ERCC6: variants seen among roughly 807,000 people sequenced by gnomAD.
ERCC6 encodes the protein ERCC excision repair 6, chromatin remodeling factor, also known as DNA excision repair protein ERCC-6.
A neutral mutation model predicts 158.7 loss-of-function variants in ERCC6; 116 were observed. The ratio of observed to expected loss-of-function variants is 0.73; its 90% confidence interval spans 0.63 to 0.85. The LOEUF is 0.85. ERCC6 is among the 40% of genes least tolerant of loss of function. The pLI is 0.00. For synonymous variants in ERCC6, 678 were observed against 659.3 expected (o/e 1.03, Z -0.43); for missense variants, 1,698 against 1,799.4 (o/e 0.94, Z 1.02).
chr10:49,483,302 A>C, intron 9 of ERCC6, 44 bp downstream of exon 9: 2 of 1,584,308 alleles, frequency 1.3e-6, no homozygotes, highest in Non-Finnish European at 1.7e-6. Flanking sequence ...TGAATTAATT[A>C]TTCTTCTCCA....
intron 7 of ERCC6, 109 bp from the exon 8 acceptor site, chr10:49,493,361 A>G (rs1172109499): frequency 3.7e-5 from 48 of 1,309,004 alleles, no homozygotes; most frequent in Non-Finnish European, 3.6e-5. Context: ...TCAAAAAAAC[A>G]ATGCTAACTA....
chr10:49,527,589 C>A (rs7096755), intron 4 of ERCC6, among the ~76,000 whole-genome samples: 67,584 of 152,042 alleles, frequency 0.44, 16,187 homozygotes, highest in Non-Finnish European at 0.53. Context: ...GCAGGAGAAT[C>A]GCTTGAACCC....
intron 8 of ERCC6, among the ~76,000 whole-genome samples, chr10:49,484,202 G>A (rs1851036064): frequency 6.7e-6 from 1 of 150,194 alleles, no homozygotes; most frequent in Non-Finnish European, 1.5e-5. Flanking sequence ...GATCCCTTGA[G>A]CCCAGGAGGT....
At chr10:49,453,388 ATAAT>A (rs1850442186), downstream of ERCC6, among the ~76,000 whole-genome samples, 1 of 152,130 alleles carries the variant, frequency 6.6e-6, no homozygotes, top group African/African-American at 2.4e-5. Context: ...ACACATTGTT[ATAAT>A]TATTACTTTA....
At chr10:49,527,925 T>A (rs1027094652) in intron 4 of ERCC6, among the ~76,000 whole-genome samples, 1 of 152,116 alleles carries the variant, frequency 6.6e-6, no homozygotes, top group African/African-American at 2.4e-5. Flanking sequence ...TCCCAAAAAG[T>A]TTTCCAAAAG....
chr10:49,439,608 G>A, the ERCC6 span, among the ~76,000 whole-genome samples: 851 of 152,296 alleles, frequency 5.6e-3, 8 homozygotes, highest in African/African-American at 0.019. Flanking sequence ...GTTACTTTAT[G>A]CAAATTTCTA....
chr10:49,516,265 G>C lies in ERCC6; in HGVS notation c.1397+7768C>G, dbSNP rs1159778410. On this transcript the variant is annotated intron_variant, in intron 5 of 20. Coordinates refer to ENST00000355832, the MANE Select transcript of ERCC6 (RefSeq NM_000124.4). ...CGAATGGGCTTTCCCCGAATAAATTGTTTGCACCCGTGACGACCAAAATAA... is the reference window on the plus strand; with the variant it reads ...CGAATGGGCTTTCCCCGAATAAATTCTTTGCACCCGTGACGACCAAAATAA... 6.2e-6 allele frequency: 10 copies of C among 1,613,970 alleles called. No homozygotes were observed. The highest frequency in any genetic ancestry group is 8.5e-6 in the Non-Finnish European group (10 of 1,180,034).
intron 9 of ERCC6, 138 bp from the exon 10 acceptor site, chr10:49,483,001 C>CA: frequency 1.1e-6 from 1 of 907,304 alleles, no homozygotes; most frequent in Non-Finnish European, 1.7e-6. Flanking sequence ...CCAAAACATA[C>CA]ACATTTTATG....
intron 5 of ERCC6, among the ~76,000 whole-genome samples, chr10:49,518,136 C>T (rs1837040582): frequency 6.6e-6 from 1 of 152,214 alleles, no homozygotes; most frequent in East Asian, 1.9e-4. Flanking sequence ...AGGTGCTAGA[C>T]AGAAGGGAGA....
chr10:49,474,249 T>C lies in ERCC6; in HGVS notation c.2383-7A>G. On this transcript the variant is annotated splice_polypyrimidine_tract_variant and splice_region_variant and intron_variant, in intron 12 of 20. Transcript: ENST00000355832. Reference sequence around the variant, plus strand: ...CTATAAGTCCGGAGAAAATCTGTGGTAAGAAAGAGTACATGTACACTCAGA... The same window carrying C: ...CTATAAGTCCGGAGAAAATCTGTGGCAAGAAAGAGTACATGTACACTCAGA... 1 of 1,608,804 alleles carries C rather than the reference T, an allele frequency of 6.2e-7. No individual in the cohort carries two copies. The highest frequency in any genetic ancestry group is 1.1e-5 in the South Asian group (1 of 90,960).
In ERCC6 at chr10:49,534,406, G is replaced by A. The variant is rs527944087; in HGVS notation, c.-14-1428C>T. Among the ~76,000 whole-genome samples the A allele has an allele frequency of 2.3e-3, 355 of 152,314 alleles. 2 individuals carry two copies. The highest frequency in any genetic ancestry group is 8.1e-3 in the African/African-American group (337 of 41,560). On this transcript the variant is annotated intron_variant, in intron 1 of 20. Coordinates refer to ENST00000355832, the MANE Select transcript of ERCC6 (RefSeq NM_000124.4). ...GAGAACTAGTCACACACAGGTGCAAGAATGTTTAGTGCAGCACATTTTTAA... is the reference window on the plus strand; with the variant it reads ...GAGAACTAGTCACACACAGGTGCAAAAATGTTTAGTGCAGCACATTTTTAA...
intron 6 of ERCC6, chr10:49,504,386 T>G (rs1851409003): frequency 6.6e-6 from 1 of 152,158 alleles, no homozygotes; most frequent in Non-Finnish European, 1.5e-5. Flanking sequence ...ACTATAGAGT[T>G]TTGTTAATAC....
intron 1 of ERCC6, among the ~76,000 whole-genome samples, chr10:49,537,362 A>C (rs1837623420): frequency 6.6e-6 from 1 of 151,674 alleles, no homozygotes; most frequent in African/African-American, 2.4e-5. Flanking sequence ...AAAAAAAAGA[A>C]AGAAAGAAAT....
At chr10:49,485,240 G>A (rs984358385) in intron 8 of ERCC6, among the ~76,000 whole-genome samples, 54 of 152,326 alleles carry the variant, frequency 3.5e-4, no homozygotes, top group African/African-American at 9.9e-4. Flanking sequence ...GGGAACTGGG[G>A]CTTGGAAATG....
At chr10:49,528,965 T>C (rs950100315) in intron 3 of ERCC6, among the ~76,000 whole-genome samples, 2 of 152,224 alleles carry the variant, frequency 1.3e-5, no homozygotes, top group Non-Finnish European at 2.9e-5. Flanking sequence ...AAATGTTCAA[T>C]TGAAAAAGTT....
chr10:49,474,464 T>C (rs2132542313), intron 12 of ERCC6, among the ~76,000 whole-genome samples: 1 of 152,336 alleles, frequency 6.6e-6, no homozygotes, highest in Admixed American at 6.5e-5. Context: ...AAAATTCTAC[T>C]GGACTGAACA....
chr10:49,467,039 C>A (rs12217467), intron 18 of ERCC6, among the ~76,000 whole-genome samples: 28,482 of 152,140 alleles, frequency 0.19, 3,018 homozygotes, highest in East Asian at 0.46. Flanking sequence ...CCTCGGCCTC[C>A]CAAAGTGCTG....
chr10:49,485,416 C>T (rs1851060268), intron 8 of ERCC6, among the ~76,000 whole-genome samples: 1 of 152,176 alleles, frequency 6.6e-6, no homozygotes, highest in East Asian at 1.9e-4. Context: ...ATATACATAC[C>T]ATTTAAAATA....
At chr10:49,525,050 G>C in intron 4 of ERCC6, 2 of 630,228 alleles carry the variant, frequency 3.2e-6, no homozygotes, top group Non-Finnish European at 5.0e-6. Flanking sequence ...CCAAAGATAG[G>C]CTTATTACTG....
Sources: gnomAD v4.1 joint callset for allele counts (sites outside exome capture counted in the v4.1 genomes callset) on GRCh38, gnomAD v4.1.1 for gene constraint, MANE v1.5 for transcripts, NCBI Gene and HGNC (gene_info 2026-07-23, HGNC 2026-07-21) for gene names.